Variants in SV2C observed in about 807,000 individuals in gnomAD.
SV2C encodes synaptic vesicle glycoprotein 2C, also known as solute carrier family 22 member B3.
Under a neutral mutation model 79.7 loss-of-function variants are expected in SV2C, and 49 were observed. That is an observed-to-expected ratio of 0.61 (90% confidence interval 0.49 to 0.78). SV2C has a LOEUF of 0.78. Ranked by LOEUF, SV2C falls within the 30% of genes least tolerant of loss-of-function variation. The probability of loss-of-function intolerance (pLI) is 0.00; values close to 1 mark genes in which losing one functional copy is unlikely to be tolerated. For missense variants in SV2C, 833 were observed against 912.9 expected, an observed-to-expected ratio of 0.91 and a Z score of 1.13; for synonymous variants, 334 against 333.2, an observed-to-expected ratio of 1.00 and a Z score of -0.03.
At chr5:75,998,099 C>T in the SV2C span, among the ~76,000 whole-genome samples, 1 of 152,134 alleles carries the variant, frequency 6.6e-6, no homozygotes. Flanking sequence ...GGACAAAAAA[C>T]CAAACACCGC....
the SV2C span, among the ~76,000 whole-genome samples, chr5:76,060,257 A>C: frequency 6.6e-5 from 10 of 152,218 alleles, no homozygotes; most frequent in South Asian, 1.7e-3. Flanking sequence ...CCTTTGAGCC[A>C]ATCATTGACT....
chr5:76,252,301 A>T (rs940289708), intron 4 of SV2C, among the ~76,000 whole-genome samples: 2 of 152,094 alleles, frequency 1.3e-5, no homozygotes, highest in African/African-American at 4.8e-5. Flanking sequence ...TTGTATTTTT[A>T]GTAGAGATGG....
chr5:75,914,042 G>C, the SV2C span, among the ~76,000 whole-genome samples: 5 of 152,044 alleles, frequency 3.3e-5, no homozygotes, highest in East Asian at 9.6e-4. Context: ...TGCCAATGTG[G>C]GTCTAAGGTC....
the SV2C span, among the ~76,000 whole-genome samples, chr5:75,901,505 G>C: frequency 6.6e-6 from 1 of 152,168 alleles, no homozygotes; most frequent in African/African-American, 2.4e-5. Flanking sequence ...ACTGGGGGGT[G>C]CCTCCCCATT....
At chr5:76,073,540 T>C in the SV2C span, among the ~76,000 whole-genome samples, 1 of 120,280 alleles carries the variant, frequency 8.3e-6, no homozygotes, top group African/African-American at 3.3e-5. Context: ...TATATATATA[T>C]ATATACACCA....
chr5:75,950,219 C>T, the SV2C span, among the ~76,000 whole-genome samples: 1 of 152,022 alleles, frequency 6.6e-6, no homozygotes, highest in African/African-American at 2.4e-5. Context: ...ATCTTATGGA[C>T]CTAGTGTTTC....
the SV2C span, among the ~76,000 whole-genome samples, chr5:76,033,777 C>T: frequency 6.6e-6 from 1 of 151,994 alleles, no homozygotes; most frequent in Non-Finnish European, 1.5e-5. Context: ...TTTTCCAATT[C>T]TGTGAAGAAA....
chr5:76,017,473 A>C, the SV2C span, among the ~76,000 whole-genome samples: 2 of 152,054 alleles, frequency 1.3e-5, no homozygotes, highest in African/African-American at 2.4e-5. Context: ...TTTTTAGTAG[A>C]GATGGGGTTT....
chr5:75,917,315 G>T, the SV2C span, among the ~76,000 whole-genome samples: 18 of 152,270 alleles, frequency 1.2e-4, no homozygotes, highest in Middle Eastern at 3.4e-3. Flanking sequence ...GGCATGTGTA[G>T]CATTTTTACC....
At chr5:75,853,973 A>G in the SV2C span, among the ~76,000 whole-genome samples, 2 of 151,182 alleles carry the variant, frequency 1.3e-5, no homozygotes, top group Non-Finnish European at 2.9e-5. Context: ...CCACAATTAA[A>G]ATATAGAATG....
At chr5:76,314,211 A>ATGAT (rs1479626674) in intron 12 of SV2C, among the ~76,000 whole-genome samples, 1 of 152,208 alleles carries the variant, frequency 6.6e-6, no homozygotes, top group African/African-American at 2.4e-5. Flanking sequence ...TTGGCTATGG[A>ATGAT]TGATAGTTTT....
chr5:76,032,150 A>C, the SV2C span, among the ~76,000 whole-genome samples: 22 of 152,352 alleles, frequency 1.4e-4, no homozygotes, highest in African/African-American at 5.1e-4. Context: ...GAACAGAGTT[A>C]CTTTATTGTT....
Position 76,280,934 on chromosome 5 carries a change from G to A in SV2C, c.914-4228G>A, listed in dbSNP as rs1032852813. 1.0e-4 allele frequency: 53 copies of A among 531,478 alleles called. No individual in the cohort carries two copies. The Middle Eastern group carries it at 1.7e-3, about 17-fold the overall frequency. The allele number at this position is 531,478 out of a possible 1,614,324, so 32.9% of individuals were successfully genotyped here. On this transcript the variant is annotated intron_variant, in intron 4 of 12. Coordinates refer to ENST00000502798, the MANE Select transcript of SV2C (RefSeq NM_014979.4). ...TGTTCCTGGTGCTGAGAGCGCGACAGGGTCTGAGCCTGCCAGGATGACAGG... is the reference window on the plus strand; with the variant it reads ...TGTTCCTGGTGCTGAGAGCGCGACAAGGTCTGAGCCTGCCAGGATGACAGG...
At chr5:75,990,132 A>G in the SV2C span, among the ~76,000 whole-genome samples, 2 of 151,944 alleles carry the variant, frequency 1.3e-5, no homozygotes, top group African/African-American at 4.8e-5. Flanking sequence ...TTGCTGTGCA[A>G]AAGCTCTTTT....
intron 1 of SV2C, among the ~76,000 whole-genome samples, chr5:76,107,956 T>G (rs1365034895): frequency 6.6e-6 from 1 of 152,234 alleles, no homozygotes; most frequent in African/African-American, 2.4e-5. Context: ...CGGTAAAATA[T>G]CTACAGATCT....
At chr5:76,065,939 G>A in the SV2C span, among the ~76,000 whole-genome samples, 5 of 152,150 alleles carry the variant, frequency 3.3e-5, no homozygotes, top group Non-Finnish European at 7.4e-5. Flanking sequence ...TAGGAATGGT[G>A]TTAGAGCTCT....
the SV2C span, among the ~76,000 whole-genome samples, chr5:75,996,970 C>A: frequency 2.8e-5 from 4 of 141,996 alleles, no homozygotes; most frequent in African/African-American, 1.0e-4. Context: ...ATTGAATACC[C>A]TTTATTTCCT....
intron 8 of SV2C, among the ~76,000 whole-genome samples, chr5:76,295,068 G>T (rs1295100596): frequency 6.6e-6 from 1 of 152,122 alleles, no homozygotes; most frequent in Non-Finnish European, 1.5e-5. Context: ...AAAGATATTG[G>T]GGCCAGGATG....
the SV2C span, among the ~76,000 whole-genome samples, chr5:75,900,135 AG>A: frequency 6.6e-3 from 1,009 of 152,250 alleles, 3 homozygotes; most frequent in African/African-American, 9.7e-3. Flanking sequence ...TTTGCTTGTT[AG>A]TTGATGCAGT....
Sources: gnomAD v4.1 joint callset for allele counts (sites outside exome capture counted in the v4.1 genomes callset) on GRCh38, gnomAD v4.1.1 for gene constraint, MANE v1.5 for transcripts, NCBI Gene and HGNC (gene_info 2026-07-23, HGNC 2026-07-21) for gene names.